RFPL2: variants seen among roughly 807,000 people sequenced by gnomAD.
The protein encoded by RFPL2 is ret finger protein like 2.
A neutral mutation model predicts 17.8 loss-of-function variants in RFPL2; 13 were observed. That is an observed-to-expected ratio of 0.73 (90% CI 0.47 to 1.16). The LOEUF is 1.16. Among genes scored for constraint, RFPL2 ranks in the 50% most tolerant of loss-of-function variants. The pLI, the probability that RFPL2 is intolerant of heterozygous loss-of-function variation, is 0.00. For synonymous variants in RFPL2, 189 were observed against 180.9 expected (o/e 1.04, Z -0.36); for missense variants, 431 against 479.3 (o/e 0.90, Z 0.94).
chr22:32,193,489 G>A, intron 3 of RFPL2: 1 of 1,423,048 alleles, frequency 7.0e-7, no homozygotes, highest in East Asian at 2.6e-5. Context: ...CAGCACCCAT[G>A]TGAGGAACAG....
At chr22:32,200,180 C>A in intron 2 of RFPL2, 3 of 383,356 alleles carry the variant, frequency 7.8e-6, no homozygotes, top group South Asian at 4.2e-5. Flanking sequence ...GCTGCCGGGT[C>A]ACACACAAAG....
At chr22:32,200,759 C>T (rs1923833461) in intron 2 of RFPL2, among the ~76,000 whole-genome samples, 1 of 152,108 alleles carries the variant, frequency 6.6e-6, no homozygotes, top group East Asian at 1.9e-4. Flanking sequence ...TCCACTGCCC[C>T]TGACCCCTGG....
At chr22:32,191,472 A>G (rs769579008) in intron 4 of RFPL2, 120 bp from the exon 5 acceptor site, 42 of 1,297,558 alleles carry the variant, frequency 3.2e-5, no homozygotes, top group Non-Finnish European at 4.2e-5. Flanking sequence ...TCTTCCCCCA[A>G]AATCCAAACT....
chr22:32,191,474 A>C, intron 4 of RFPL2, 122 bp from the exon 5 acceptor site: 2 of 1,276,098 alleles, frequency 1.6e-6, no homozygotes, highest in African/African-American at 1.5e-5. Flanking sequence ...TTCCCCCAAA[A>C]TCCAAACTTC....
At chr22:32,196,983 C>T (rs535220947) in intron 2 of RFPL2, among the ~76,000 whole-genome samples, 2 of 152,306 alleles carry the variant, frequency 1.3e-5, no homozygotes, top group African/African-American at 4.8e-5. Flanking sequence ...TCTGCTGTAA[C>T]TTTGTTCCAT....
chr22:32,202,734 T>C (rs1298468555), intron 1 of RFPL2, 184 bp from the exon 2 acceptor site: 1 of 1,175,210 alleles, frequency 8.5e-7, no homozygotes, highest in Admixed American at 4.2e-5. Flanking sequence ...GTGCCCGGGC[T>C]TCCCACTCCA....
Position 32,202,402 on chromosome 22 carries a change from C to A in RFPL2, c.50G>T (p.Arg17Met). ...ACACAATACAGCACATAGACAGATC[C>A]TGGATTGGGACACTGCAGTCTCTGG... ...GFPETAVSQS[R>M]ICLCAVLCGH... is the part of the protein sequence containing the mutation. Residue 17 changes from arginine to methionine, a missense_variant, in exon 2 of 5, where the codon AGG becomes ATG. By Grantham distance (91) the Arg-to-Met change is moderately conservative. Coordinates refer to ENST00000652607, the MANE Select transcript of RFPL2 (RefSeq NM_001394555.1). 6.2e-7 allele frequency: 1 copy of A among 1,605,116 alleles called. No individual in the cohort carries two copies. The highest frequency in any genetic ancestry group is 2.2e-5 in the East Asian group (1 of 44,668).
At chr22:32,200,076 G>A (rs1923758292) in intron 2 of RFPL2, 1 of 441,084 alleles carries the variant, frequency 2.3e-6, no homozygotes, top group East Asian at 6.4e-5. Flanking sequence ...CCAGGGTATG[G>A]AAGTCACCAA....
chr22:32,202,742 C>G, intron 1 of RFPL2, 192 bp from the exon 2 acceptor site: 1 of 1,174,084 alleles, frequency 8.5e-7, no homozygotes, highest in Non-Finnish European at 1.1e-6. Context: ...GCTTCCCACT[C>G]CACAGGAACA....
rs1922478725 is a variant in RFPL2 at position 32,190,704 on chromosome 22, G to A, written c.*68C>T. The stretch of plus-strand genomic sequence containing the variant: ...CTTTGTATAATGCTTTTACGAAGTA[G>A]AGCGTTCCTAAGTCTACCCACCCAA... On this transcript the variant is annotated 3_prime_UTR_variant, in exon 5 of 5. Transcript: ENST00000652607. The A allele has an allele frequency of 6.3e-6, 9 of 1,431,998 alleles. No individual in the cohort carries two copies. The highest frequency in any genetic ancestry group is 2.4e-5 in the Admixed American group (1 of 41,134). The allele number at this position is 1,431,998 out of a possible 1,614,324, so 88.7% of individuals were successfully genotyped here.
At chr22:32,198,936 AG>A (rs1923641165) in intron 2 of RFPL2, among the ~76,000 whole-genome samples, 1 of 152,152 alleles carries the variant, frequency 6.6e-6, no homozygotes, top group African/African-American at 2.4e-5. Flanking sequence ...AGCTTTATGC[AG>A]GGGAAACTGA....
chr22:32,193,610 C>A (rs778788928), intron 3 of RFPL2: 52 of 727,826 alleles, frequency 7.1e-5, no homozygotes, highest in Non-Finnish European at 9.3e-5. Flanking sequence ...GCCTGTCCAG[C>A]ACTTTGGGAG....
At chr22:32,193,225 T>A (rs1364211575) in intron 3 of RFPL2, 33 bp from the exon 4 acceptor site, 2 of 1,613,864 alleles carry the variant, frequency 1.2e-6, no homozygotes, top group South Asian at 1.1e-5. Context: ...GGTAAAAAAA[T>A]TTCCATGAGG....
chr22:32,203,975 A>G (rs902558398), intron 1 of RFPL2, among the ~76,000 whole-genome samples: 1 of 145,506 alleles, frequency 6.9e-6, no homozygotes, highest in African/African-American at 2.6e-5. Flanking sequence ...CGGGCAGTGT[A>G]GCTCCCGATA....
chr22:32,192,776 T>C, intron 4 of RFPL2, 126 bp downstream of exon 4: 3 of 1,319,332 alleles, frequency 2.3e-6, no homozygotes, highest in Non-Finnish European at 2.1e-6. Flanking sequence ...GAGAATCTGA[T>C]GATGAAGCAT....
rs1408987935 is a variant in RFPL2, at chr22:32,202,375, C to T, written c.77G>A (p.Gly26Asp). The T allele has an allele frequency of 1.2e-5, 20 of 1,605,914 alleles. No homozygotes were observed. The highest frequency in any genetic ancestry group is 1.7e-5 in the Non-Finnish European group (20 of 1,176,324). ...CATCATGTCTGCAAAGTCCCAGTGG[C>T]CACACAATACAGCACATAGACAGAT... is the stretch of plus-strand genomic sequence containing the variant. ...SRICLCAVLCGHWDFADMMVI... is the reference protein window; with the variant it reads ...SRICLCAVLCDHWDFADMMVI... The change falls in exon 2 of 5, where the codon GGC becomes GAC. Residue 26 changes from glycine to aspartate, a missense_variant. Physicochemically the swap from Gly to Asp is moderately conservative, Grantham distance 94. Transcript: ENST00000652607.
At chr22:32,195,614 C>G (rs1425225897) in intron 2 of RFPL2, among the ~76,000 whole-genome samples, 3 of 151,148 alleles carry the variant, frequency 2.0e-5, no homozygotes, top group Non-Finnish European at 4.4e-5. Flanking sequence ...TGCCACCATG[C>G]CTGGCTAATT....
At chr22:32,193,450 C>T (rs1922942286) in intron 3 of RFPL2, 1 of 1,456,748 alleles carries the variant, frequency 6.9e-7, no homozygotes, top group Non-Finnish European at 9.1e-7. Context: ...CCTGGTGACC[C>T]AGCAGCTGAG....
At position 32,190,768 on chromosome 22, in the gene RFPL2, G is replaced by A. The variant is rs778351479; in HGVS notation, c.*4C>T. 4 of 1,500,466 alleles carry A rather than the reference G, an allele frequency of 2.7e-6. No individual in the cohort carries two copies. Among genetic ancestry groups the A allele is most frequent in the Middle Eastern group, 1.8e-4 (1 of 5,568 alleles). The allele number at this position is 1,500,466 out of a possible 1,614,324, so 92.9% of individuals were successfully genotyped here. A position where few individuals can be genotyped will look rare whatever the true frequency, so the allele number is the denominator to read the frequency against. On this transcript the variant is annotated 3_prime_UTR_variant, in exon 5 of 5. Coordinates refer to ENST00000652607, the MANE Select transcript of RFPL2 (RefSeq NM_001394555.1). The stretch of plus-strand genomic sequence containing the variant: ...CCTGTTTTTTGTTTTTTTGGAGTGA[G>A]GGCTTATTTGGCCTCCCCAGGACGG...
Sources: gnomAD v4.1 joint callset for allele counts (sites outside exome capture counted in the v4.1 genomes callset) on GRCh38, gnomAD v4.1.1 for gene constraint, MANE v1.5 for transcripts, NCBI Gene and HGNC (gene_info 2026-07-23, HGNC 2026-07-21) for gene names.